RPS6KC1: variants seen among roughly 807,000 people sequenced by gnomAD.
RPS6KC1 encodes the protein inactive ribosomal protein S6 kinase delta-1.
RPS6KC1 carries 54 observed loss-of-function variants against 103.8 expected under a neutral mutation model. The ratio of observed to expected loss-of-function variants is 0.52; its 90% CI spans 0.42 to 0.65. The LOEUF (loss-of-function observed/expected upper bound fraction) is 0.65, where lower values mean the gene tolerates loss of function less well. RPS6KC1 is among the 30% of genes least tolerant of loss of function. The pLI is 0.00. For synonymous variants in RPS6KC1, 439 were observed against 438.7 expected (o/e 1.00, Z -0.01); for missense variants, 1,151 against 1,253.8 (o/e 0.92, Z 1.24).
At chr1:213,692,091 G>A in the RPS6KC1 span, among the ~76,000 whole-genome samples, 1 of 152,186 alleles carries the variant, frequency 6.6e-6, no homozygotes, top group Non-Finnish European at 1.5e-5. Flanking sequence ...TTTTGGAACA[G>A]GAGTGAAAGT....
intron 6 of RPS6KC1, among the ~76,000 whole-genome samples, chr1:213,143,656 C>T (rs927693620): frequency 2.6e-5 from 4 of 151,806 alleles, no homozygotes; most frequent in Admixed American, 6.6e-5. Context: ...AAATATTTTT[C>T]ATGTTTTGTT....
chr1:213,057,366 A>G (rs1020494253), intron 1 of RPS6KC1, among the ~76,000 whole-genome samples: 1 of 152,208 alleles, frequency 6.6e-6, no homozygotes, highest in African/African-American at 2.4e-5. Context: ...AAATTAACAT[A>G]CAATGAAATT....
At chr1:213,081,699 G>C (rs940564245) in intron 3 of RPS6KC1, among the ~76,000 whole-genome samples, 1 of 150,752 alleles carries the variant, frequency 6.6e-6, no homozygotes, top group Non-Finnish European at 1.5e-5. Flanking sequence ...TGCCCTGAGG[G>C]ATACCAGCTT....
At chr1:213,607,013 C>T in the RPS6KC1 span, among the ~76,000 whole-genome samples, 11 of 152,168 alleles carry the variant, frequency 7.2e-5, no homozygotes, top group Non-Finnish European at 1.6e-4. Context: ...GTTTACAGAG[C>T]TTAGTTTTCG....
chr1:213,551,616 T>C, the RPS6KC1 span, among the ~76,000 whole-genome samples: 2 of 152,288 alleles, frequency 1.3e-5, no homozygotes, highest in Admixed American at 6.5e-5. Flanking sequence ...CCCGTATATA[T>C]TGCCCCGACA....
the RPS6KC1 span, among the ~76,000 whole-genome samples, chr1:213,671,970 T>G: frequency 6.7e-6 from 1 of 149,928 alleles, no homozygotes; most frequent in African/African-American, 2.4e-5. Context: ...AAAAAGAAAA[T>G]TGAGGCTAGC....
the RPS6KC1 span, among the ~76,000 whole-genome samples, chr1:213,361,880 G>A: frequency 6.6e-6 from 1 of 152,206 alleles, no homozygotes; most frequent in Admixed American, 6.5e-5. Context: ...GCTGTTGTGG[G>A]TGTGGATGTG....
At chr1:213,112,922 C>T (rs1173076496) in intron 4 of RPS6KC1, among the ~76,000 whole-genome samples, 1 of 152,158 alleles carries the variant, frequency 6.6e-6, no homozygotes, top group East Asian at 1.9e-4. Context: ...GCATAGTATT[C>T]CATGGTGTAT....
intron 6 of RPS6KC1, among the ~76,000 whole-genome samples, chr1:213,137,384 A>G (rs2086404985): frequency 6.6e-6 from 1 of 151,634 alleles, no homozygotes; most frequent in Admixed American, 6.6e-5. Flanking sequence ...CCTAGGCTGG[A>G]GTGCAATGGC....
chr1:213,365,113 G>T, the RPS6KC1 span, among the ~76,000 whole-genome samples: 1 of 152,132 alleles, frequency 6.6e-6, no homozygotes, highest in South Asian at 2.1e-4. Context: ...AAATCTTCTC[G>T]AATTTTCCTA....
At chr1:213,237,963 TCTTA>T (rs2094262025) in intron 10 of RPS6KC1, among the ~76,000 whole-genome samples, 1 of 152,084 alleles carries the variant, frequency 6.6e-6, no homozygotes, top group African/African-American at 2.4e-5. Context: ...CCTTATAGAT[TCTTA>T]CTTATAGATT....
At chr1:213,691,941 G>C in the RPS6KC1 span, among the ~76,000 whole-genome samples, 1 of 152,196 alleles carries the variant, frequency 6.6e-6, no homozygotes, top group East Asian at 1.9e-4. Context: ...ATTTGCAGAA[G>C]ACCTGCTTGC....
the RPS6KC1 span, among the ~76,000 whole-genome samples, chr1:213,332,064 A>G: frequency 0.055 from 8,411 of 152,124 alleles, 332 homozygotes; most frequent in Middle Eastern, 0.18. Context: ...GAAAAATCCT[A>G]TATTGGAAAA....
the RPS6KC1 span, among the ~76,000 whole-genome samples, chr1:213,695,170 G>A: frequency 7.1e-3 from 1,082 of 152,312 alleles, 13 homozygotes; most frequent in African/African-American, 0.025. Context: ...TTGAACAGAT[G>A]AGAGTGAGAC....
the RPS6KC1 span, among the ~76,000 whole-genome samples, chr1:213,466,592 A>G: frequency 0.013 from 1,961 of 152,344 alleles, 30 homozygotes; most frequent in African/African-American, 0.041. Flanking sequence ...ACATTTGTAC[A>G]TGTTTAATGC....
At chr1:213,776,780 C>A in the RPS6KC1 span, among the ~76,000 whole-genome samples, 1 of 152,204 alleles carries the variant, frequency 6.6e-6, no homozygotes. Context: ...GCATTCTCTT[C>A]CAATAGAAGG....
intron 3 of RPS6KC1, among the ~76,000 whole-genome samples, chr1:213,090,739 G>A (rs1007050092): frequency 1.3e-5 from 2 of 152,088 alleles, no homozygotes; most frequent in African/African-American, 4.8e-5. Flanking sequence ...GACTTCAAAG[G>A]ACTGTTGTTT....
the RPS6KC1 span, among the ~76,000 whole-genome samples, chr1:213,308,851 TAAAATG>T: frequency 6.6e-6 from 1 of 152,190 alleles, no homozygotes; most frequent in East Asian, 1.9e-4. Context: ...CTAAGACAAA[TAAAATG>T]TAAATGGATG....
the RPS6KC1 span, among the ~76,000 whole-genome samples, chr1:213,738,941 A>T: frequency 0.29 from 42,545 of 148,958 alleles, 6,912 homozygotes; most frequent in African/African-American, 0.44. Flanking sequence ...TTTTTTTTTT[A>T]AATGGAAGAA....
Sources: gnomAD v4.1 joint callset for allele counts (sites outside exome capture counted in the v4.1 genomes callset) on GRCh38, gnomAD v4.1.1 for gene constraint, MANE v1.5 for transcripts, NCBI Gene and HGNC (gene_info 2026-07-23, HGNC 2026-07-21) for gene names.